Variants in FANCD2 observed in about 807,000 individuals in gnomAD.
FANCD2 encodes the protein Fanconi anemia group D2 protein.
In FANCD2, 131 loss-of-function variants were observed where a neutral mutation model predicts 192.3. The ratio of observed to expected loss-of-function variants is 0.68; its 90% confidence interval spans 0.59 to 0.79. FANCD2 has a LOEUF of 0.79. Among genes scored for constraint, FANCD2 ranks in the 30% least tolerant of loss-of-function variants. The pLI, the probability that FANCD2 is intolerant of heterozygous loss-of-function variation, is 0.00. For missense variants in FANCD2, 1,508 were observed against 1,701.6 expected, an observed-to-expected ratio of 0.89 and a Z score of 2.00; for synonymous variants, 524 against 612.5, an observed-to-expected ratio of 0.86 and a Z score of 2.13.
At chr3:10,053,247 A>C (rs1315094872) in intron 18 of FANCD2, among the ~76,000 whole-genome samples, 2 of 151,482 alleles carry the variant, frequency 1.3e-5, no homozygotes, top group Non-Finnish European at 2.9e-5. Context: ...ATGAAATTGG[A>C]AATCATCATT....
Position 10,075,171 on chromosome 3 carries a change from TTTA to T in FANCD2, c.2859+510_2859+512del, listed in dbSNP as rs1693465102. On this transcript the variant is annotated intron_variant, in intron 29 of 43. Transcript: ENST00000675286. ...TGGAAATAGCTAGCAATACGGTAGC[TTTA>T]TTATTATTATTTTCTTTTTTTTTTT... Among the ~76,000 whole-genome samples the T allele has an allele frequency of 2.0e-5, 3 of 150,824 alleles. No homozygotes were observed. In the South Asian group the frequency reaches 6.3e-4, roughly 32 times the overall value.
intron 1 of FANCD2, among the ~76,000 whole-genome samples, 160 bp from the exon 2 acceptor site, chr3:10,028,465 G>A (rs1045482991): frequency 2.0e-5 from 3 of 152,208 alleles, no homozygotes; most frequent in Non-Finnish European, 2.9e-5. Flanking sequence ...TTGGCTAGAT[G>A]TAAGAGTTGA....
intron 21 of FANCD2, 142 bp from the exon 22 acceptor site, chr3:10,064,214 A>G: frequency 1.2e-6 from 1 of 814,104 alleles, no homozygotes; most frequent in Non-Finnish European, 2.1e-6. Context: ...TCTCTTTTCT[A>G]CTTCACAATA....
chr3:10,086,662 G>T (rs1559403263), intron 33 of FANCD2, among the ~76,000 whole-genome samples: 1 of 151,978 alleles, frequency 6.6e-6, no homozygotes, highest in Non-Finnish European at 1.5e-5. Flanking sequence ...TTATATTTTT[G>T]TAGAGATGTT....
chr3:10,089,002 G>A (rs767897539), intron 36 of FANCD2, 52 bp downstream of exon 36: 2 of 1,604,446 alleles, frequency 1.2e-6, no homozygotes, highest in Non-Finnish European at 8.5e-7. Flanking sequence ...TCATCATCAG[G>A]CTGGGCACGG....
Position 10,101,377 on chromosome 3 carries a change from CTTTTTTTTTTTTT to C in FANCD2, c.*128_*140del, listed in dbSNP as rs950337384. 2 of 388,516 alleles carry C rather than the reference CTTTTTTTTTTTTT, an allele frequency of 5.1e-6. No individual in the cohort carries two copies. Among genetic ancestry groups the C allele is most frequent in the African/African-American group, 3.0e-5 (1 of 33,748 alleles). 24.1% of individuals were successfully genotyped at this position (388,516 alleles called of 1,614,324 possible). On this transcript the variant is annotated 3_prime_UTR_variant, in exon 44 of 44. Transcript: ENST00000675286. Reference sequence around the variant, plus strand: ...ACTGGTAGGATCCTTTTTTGTTCCTCTTTTTTTTTTTTTTTTTTTTTTTTTAAAGACGGGGACT... The same window carrying C: ...ACTGGTAGGATCCTTTTTTGTTCCTCTTTTTTTTTTTTAAAGACGGGGACT...
At chr3:10,040,002 A>AG in intron 9 of FANCD2, 157 bp downstream of exon 9, 1 of 737,416 alleles carries the variant, frequency 1.4e-6, no homozygotes, top group East Asian at 2.7e-5. Flanking sequence ...TAAAAAAAAA[A>AG]GGTATATATT....
At chr3:10,048,386 C>T (rs1263864933) in intron 16 of FANCD2, among the ~76,000 whole-genome samples, 1 of 152,208 alleles carries the variant, frequency 6.6e-6, no homozygotes, top group Non-Finnish European at 1.5e-5. Flanking sequence ...TCACTGCAAC[C>T]TTCACCTCCT....
Position 10,092,308 on chromosome 3 carries a change from C to T in FANCD2, c.3849+56C>T, listed in dbSNP as rs530943946. The stretch of plus-strand genomic sequence containing the variant: ...CCAAATAACTGCAGAAACCAAGTGT[C>T]CTGGCTTCCAAAATGGACTTTCCTT... On this transcript the variant is annotated intron_variant, in intron 38 of 43. Coordinates refer to ENST00000675286, the MANE Select transcript of FANCD2 (RefSeq NM_001018115.3). The T allele has an allele frequency of 7.3e-4, 993 of 1,355,332 alleles. 6 individuals are homozygous for T. The Middle Eastern group carries it at 0.018, about 24-fold the overall frequency. The allele number at this position is 1,355,332 out of a possible 1,614,324, so 84.0% of individuals were successfully genotyped here. A position where few individuals can be genotyped will look rare whatever the true frequency, so the allele number is the denominator to read the frequency against.
intron 9 of FANCD2, chr3:10,040,483 A>G (rs539922542): frequency 3.1e-4 from 140 of 456,614 alleles, no homozygotes; most frequent in South Asian, 1.7e-3. Context: ...CCCTGGCTGC[A>G]CATTAAAATC....
intron 9 of FANCD2, 101 bp downstream of exon 9, chr3:10,039,946 A>G: frequency 7.1e-7 from 1 of 1,400,918 alleles, no homozygotes; most frequent in Non-Finnish European, 1.0e-6. Context: ...TTCTATCTAA[A>G]AAGAGGATGA....
intron 7 of FANCD2, among the ~76,000 whole-genome samples, chr3:10,038,644 G>A (rs1328506622): frequency 2.3e-4 from 34 of 146,920 alleles, no homozygotes; most frequent in Non-Finnish European, 1.0e-4. Context: ...GCAGTGGCAC[G>A]ATCTCAACTC....
chr3:10,067,340 G>A, intron 26 of FANCD2, 23 bp downstream of exon 26: 2 of 1,398,232 alleles, frequency 1.4e-6, no homozygotes, highest in Non-Finnish European at 2.0e-6. Context: ...TCCTATACTG[G>A]TAGTACTACT....
At chr3:10,097,632 C>T (rs986596436) in intron 42 of FANCD2, among the ~76,000 whole-genome samples, 6 of 152,166 alleles carry the variant, frequency 3.9e-5, no homozygotes, top group African/African-American at 1.4e-4. Context: ...TCATATTGCT[C>T]AAACACACAT....
At chr3:10,068,907 C>T (rs896720445) in intron 26 of FANCD2, among the ~76,000 whole-genome samples, 1 of 152,166 alleles carries the variant, frequency 6.6e-6, no homozygotes, top group African/African-American at 2.4e-5. Context: ...ACACTCTCTT[C>T]AATAAATGGT....
chr3:10,034,704 G>C lies in FANCD2; in HGVS notation c.283G>C (p.Glu95Gln). The C allele has an allele frequency of 6.4e-7, 1 of 1,562,152 alleles. No homozygotes were observed. Among genetic ancestry groups the C allele is most frequent in the Non-Finnish European group, 8.7e-7 (1 of 1,151,688 alleles). Reference protein sequence around the residue: ...RHPSYPKIIEEFVSGLESYIE... With the variant: ...RHPSYPKIIEQFVSGLESYIE... ...TTTAAATCTCCTTAAGATAATAGAAGAATTTGTTAGTGGCCTGGAGTCTTA... is the reference window on the plus strand; with the variant it reads ...TTTAAATCTCCTTAAGATAATAGAACAATTTGTTAGTGGCCTGGAGTCTTA... Residue 95 changes from glutamate to glutamine, a missense_variant, in exon 5 of 44, where the codon GAA becomes CAA. Physicochemically the swap from Glu to Gln is conservative, Grantham distance 29. Transcript: ENST00000675286.
At chr3:10,090,949 A>C (rs1694568288) in intron 37 of FANCD2, among the ~76,000 whole-genome samples, 1 of 151,870 alleles carries the variant, frequency 6.6e-6, no homozygotes, top group Non-Finnish European at 1.5e-5. Context: ...CCTCCTGCTA[A>C]CTGGCATGAG....
At chr3:10,051,509 C>A (rs1005783002) in intron 17 of FANCD2, among the ~76,000 whole-genome samples, 3 of 149,014 alleles carry the variant, frequency 2.0e-5, no homozygotes, top group African/African-American at 7.3e-5. Context: ...CTCTGGTAAC[C>A]TCTGAGAGAA....
At chr3:10,091,261 A>G (rs985112739) in intron 37 of FANCD2, among the ~76,000 whole-genome samples, 3 of 151,122 alleles carry the variant, frequency 2.0e-5, no homozygotes, top group Non-Finnish European at 4.4e-5. Context: ...TTCTATTTTT[A>G]GTAGAGGCGG....
Sources: gnomAD v4.1 joint callset for allele counts (sites outside exome capture counted in the v4.1 genomes callset) on GRCh38, gnomAD v4.1.1 for gene constraint, MANE v1.5 for transcripts, NCBI Gene and HGNC (gene_info 2026-07-23, HGNC 2026-07-21) for gene names.